The following RERE variants were observed in gnomAD, a reference collection of about 807,000 sequenced individuals.
The protein encoded by RERE is arginine-glutamic acid dipeptide repeats.
In RERE, 40 loss-of-function variants were observed where a neutral mutation model predicts 146.1. The ratio of observed to expected loss-of-function variants is 0.27; its 90% CI spans 0.21 to 0.36. RERE has a LOEUF of 0.36. RERE is among the 10% of genes least tolerant of loss of function. The probability of loss-of-function intolerance (pLI) is 1.00; values close to 1 mark genes in which losing one functional copy is unlikely to be tolerated. For missense variants in RERE, 1,933 were observed against 2,138.7 expected (o/e 0.90, Z 1.90); for synonymous variants, 1,003 against 866.0 (o/e 1.16, Z -2.78).
At chr1:8,803,876 T>C (rs1477345908) in intron 1 of RERE, among the ~76,000 whole-genome samples, 1 of 152,148 alleles carries the variant, frequency 6.6e-6, no homozygotes, top group Non-Finnish European at 1.5e-5. Context: ...AAAGTTTCTG[T>C]AGCGTCAAAA....
At chr1:8,540,091 A>T (rs1645780617) in intron 7 of RERE, among the ~76,000 whole-genome samples, 1 of 151,500 alleles carries the variant, frequency 6.6e-6, no homozygotes, top group Non-Finnish European at 1.5e-5. Flanking sequence ...TTATTTATTT[A>T]TTTATTTTTT....
At chr1:8,607,596 A>T (rs190011094) in intron 4 of RERE, among the ~76,000 whole-genome samples, 4 of 115,600 alleles carry the variant, frequency 3.5e-5, no homozygotes, top group Admixed American at 1.3e-4. Context: ...TCGAGGCTGC[A>T]GTGCAGTGGT....
chr1:8,747,509 A>G (rs1022221925), intron 1 of RERE, among the ~76,000 whole-genome samples: 8 of 152,020 alleles, frequency 5.3e-5, no homozygotes, highest in African/African-American at 1.7e-4. Flanking sequence ...ACCAATTACA[A>G]CTTTGGAAAG....
At chr1:8,773,977 A>C (rs1641006682) in intron 1 of RERE, among the ~76,000 whole-genome samples, 1 of 152,234 alleles carries the variant, frequency 6.6e-6, no homozygotes, top group Non-Finnish European at 1.5e-5. Context: ...CATTTACTCA[A>C]GTCTTTGACA....
chr1:8,358,970 T>C, intron 19 of RERE, 54 bp from the exon 20 acceptor site: 3 of 1,494,788 alleles, frequency 2.0e-6, no homozygotes, highest in Non-Finnish European at 1.8e-6. Flanking sequence ...GGGTCTCCGC[T>C]TGGTCCACAC....
At chr1:8,605,845 CTTTT>C (rs60346942) in intron 4 of RERE, among the ~76,000 whole-genome samples, 8 of 93,220 alleles carry the variant, frequency 8.6e-5, no homozygotes, top group African/African-American at 2.1e-4. Context: ...AAATACCAAA[CTTTT>C]TTTTTTTTTT....
intron 11 of RERE, 126 bp from the exon 12 acceptor site, chr1:8,422,933 A>C (rs767645984): frequency 2.8e-5 from 19 of 689,736 alleles, no homozygotes; most frequent in Non-Finnish European, 4.6e-5. Context: ...AATACTGCCG[A>C]GGCTCGGAGA....
Position 8,360,807 on chromosome 1 carries a change from C to T in RERE, c.2700G>A (p.Leu900=), listed in dbSNP as rs372766414. 2 of 1,572,238 alleles carry T rather than the reference C, an allele frequency of 1.3e-6. No individual in the cohort carries two copies. Among genetic ancestry groups the T allele is most frequent in the African/African-American group, 2.7e-5 (2 of 74,396 alleles). ...AAAYPHTSLQ[L]PASQSALQSQ... is the part of the protein sequence containing the mutation. ...ACTGCAGCGCTGACTGAGAGGCTGG[C>T]AGCTGCAGGGAGGTGTGAGGGTACG... Residue 900 remains leucine (L), a synonymous_variant, in exon 18 of 23, where the codon CTG becomes CTA. Coordinates refer to ENST00000400908, the MANE Select transcript of RERE (RefSeq NM_001042681.2).
chr1:8,380,541 G>A (rs907033280), intron 12 of RERE, among the ~76,000 whole-genome samples: 1 of 152,038 alleles, frequency 6.6e-6, no homozygotes, highest in Admixed American at 6.6e-5. Flanking sequence ...TAGGGATGGC[G>A]TTTCACCATG....
intron 7 of RERE, among the ~76,000 whole-genome samples, chr1:8,533,769 C>T (rs556449350): frequency 1.3e-5 from 2 of 152,262 alleles, no homozygotes; most frequent in East Asian, 3.9e-4. Flanking sequence ...AGCTCAGCTC[C>T]GCAGTTAAAA....
intron 8 of RERE, among the ~76,000 whole-genome samples, chr1:8,500,321 T>C (rs1436760805): frequency 2.0e-5 from 3 of 151,980 alleles, no homozygotes; most frequent in East Asian, 1.9e-4. Context: ...TTGAGAAAAA[T>C]GGACTAGAAA....
Position 8,541,231 on chromosome 1 carries a change from T to C in RERE, c.813A>G (p.Gly271=). The part of the protein sequence containing the change: ...ARVDSFFYIL[G]YNPETRRLNS... ...TCACTTACCTTGTCTCAGGGTTATA[T>C]CCTAATATGTAGAAAAATGAATCCA... is the stretch of plus-strand genomic sequence containing the variant. Residue 271 remains glycine, a synonymous_variant, in exon 7 of 23, where the codon GGA becomes GGG. Transcript: ENST00000400908. The C allele has an allele frequency of 6.3e-7, 1 of 1,595,914 alleles. No individual in the cohort carries two copies. Among genetic ancestry groups the C allele is most frequent in the Non-Finnish European group, 8.6e-7 (1 of 1,164,108 alleles).
chr1:8,358,266 A>G lies in RERE; in HGVS notation c.4269T>C (p.Thr1423=), dbSNP rs753600821. 6.8e-6 allele frequency: 11 copies of G among 1,613,274 alleles called. No homozygotes were observed. Among genetic ancestry groups the G allele is most frequent in the Middle Eastern group, 3.3e-4 (2 of 6,060 alleles). ...PLARLQMFNV[T]PHHHQHSHIH... ...TGTGAGAGTGCTGGTGATGGTGCGG[A>G]GTCACGTTGAACATCTGCAGTCGGG... The change falls in exon 20 of 23, where the codon ACT becomes ACC. Residue 1423 remains threonine, a synonymous_variant. Transcript: ENST00000400908.
chr1:8,450,455 C>G (rs1395880042), intron 11 of RERE, among the ~76,000 whole-genome samples: 1 of 152,022 alleles, frequency 6.6e-6, no homozygotes, highest in Non-Finnish European at 1.5e-5. Context: ...TCCTTCCTTC[C>G]CAGCCCTTCC....
At position 8,361,045 on chromosome 1, in the gene RERE, G is replaced by A. The variant is rs1057518295; in HGVS notation, c.2462C>T (p.Ser821Leu). ...PPSPHPPPHP[S>L]PHPPLQPLTG... Reference sequence around the variant, plus strand: ...CAGAGGCTGCAGCGGGGGATGTGGCGAGGGATGCGGCGGGGGATGCGGTGA... The same window carrying A: ...CAGAGGCTGCAGCGGGGGATGTGGCAAGGGATGCGGCGGGGGATGCGGTGA... Residue 821 changes from serine (S) to leucine (L), a missense_variant, in exon 18 of 23, where the codon TCG (serine) becomes TTG (leucine). By Grantham distance (145) the Ser-to-Leu change is moderately radical. Transcript: ENST00000400908. 2.6e-5 allele frequency: 38 copies of A among 1,438,764 alleles called. No individual in the cohort carries two copies. Among genetic ancestry groups the A allele is most frequent in the East Asian group, 5.0e-5 (2 of 39,620 alleles). The allele number at this position is 1,438,764 out of a possible 1,614,324, so 89.1% of individuals were successfully genotyped here.
intron 12 of RERE, among the ~76,000 whole-genome samples, chr1:8,402,380 T>G (rs531023545): frequency 6.6e-6 from 1 of 152,350 alleles, no homozygotes; most frequent in African/African-American, 2.4e-5. Flanking sequence ...CAGCCATTTG[T>G]GTCTTCCCAG....
chr1:8,465,848 G>T, intron 11 of RERE, 77 bp downstream of exon 11: 2 of 1,199,824 alleles, frequency 1.7e-6, no homozygotes, highest in Non-Finnish European at 1.2e-6. Flanking sequence ...CTTTCCCTGA[G>T]CAGCAGGGAG....
intron 2 of RERE, among the ~76,000 whole-genome samples, chr1:8,651,095 C>CA (rs200681098): frequency 0.036 from 5,269 of 144,920 alleles, 132 homozygotes; most frequent in African/African-American, 0.063. Flanking sequence ...GACTACGTCT[C>CA]AAAAAAAAAA....
chr1:8,571,434 TAG>T (rs1473300379), intron 4 of RERE, among the ~76,000 whole-genome samples: 1 of 152,196 alleles, frequency 6.6e-6, no homozygotes, highest in Non-Finnish European at 1.5e-5. Context: ...TAAGAAGCAC[TAG>T]AGACACAGTT....
Sources: allele counts gnomAD v4.1 joint callset (sites outside exome capture counted in the v4.1 genomes callset), GRCh38; gene constraint gnomAD v4.1.1; transcripts MANE v1.5; gene names NCBI Gene and HGNC (gene_info 2026-07-23, HGNC 2026-07-21).